The following RIMBP2 variants were observed in gnomAD, a reference collection of about 807,000 sequenced individuals.
RIMBP2 encodes the protein RIMS binding protein 2, also known as RIMS-binding protein 2.
RIMBP2 carries 48 observed loss-of-function variants against 118.6 expected under a neutral mutation model. The observed-to-expected ratio is 0.40, with a 90% CI of 0.32 to 0.51. The LOEUF is 0.51. Ranked by LOEUF, RIMBP2 falls within the 20% of genes least tolerant of loss-of-function variation. The pLI is 0.41. For missense variants in RIMBP2, 1,551 were observed against 1,768.3 expected, an observed-to-expected ratio of 0.88 and a Z score of 2.20; for synonymous variants, 762 against 742.9, an observed-to-expected ratio of 1.03 and a Z score of -0.42.
intron 1 of RIMBP2, among the ~76,000 whole-genome samples, chr12:130,689,121 C>T (rs1474393593): frequency 6.6e-6 from 1 of 152,206 alleles, no homozygotes; most frequent in Admixed American, 6.5e-5. Flanking sequence ...CCACACCCCT[C>T]CATGCCAACA....
At chr12:130,433,841 A>AC (rs2077317489) in intron 14 of RIMBP2, among the ~76,000 whole-genome samples, 1 of 152,118 alleles carries the variant, frequency 6.6e-6, no homozygotes, top group East Asian at 1.9e-4. Context: ...CCAAAAATCC[A>AC]CCTCGCAGCC....
At chr12:130,463,227 G>A (rs2080163290) in intron 6 of RIMBP2, among the ~76,000 whole-genome samples, 1 of 152,210 alleles carries the variant, frequency 6.6e-6, no homozygotes, top group Non-Finnish European at 1.5e-5. Flanking sequence ...TCCTGTCTGG[G>A]TTTGGGACTG....
chr12:130,575,068 C>T (rs1179363675), intron 2 of RIMBP2, among the ~76,000 whole-genome samples: 1 of 79,982 alleles, frequency 1.3e-5, no homozygotes, highest in African/African-American at 5.9e-5. Context: ...GAATCACATC[C>T]CCCAACCCCA....
chr12:130,477,314 C>T (rs2081519812), intron 5 of RIMBP2, among the ~76,000 whole-genome samples: 1 of 152,070 alleles, frequency 6.6e-6, no homozygotes, highest in South Asian at 2.1e-4. Flanking sequence ...AGGAGACATC[C>T]TTTCCCCTTC....
rs921481945 is a variant in RIMBP2, at chr12:130,581,237, G to T, written c.-217+47085C>A. ...CAACTGAAATGCCCCGTGGTCCCAGGTCACACAGGGGTGTGCCGGGAGTCA... is the reference window on the plus strand; with the variant it reads ...CAACTGAAATGCCCCGTGGTCCCAGTTCACACAGGGGTGTGCCGGGAGTCA... On this transcript the variant is annotated intron_variant, in intron 2 of 22. Coordinates refer to ENST00000690449, the MANE Select transcript of RIMBP2 (RefSeq NM_001393629.1). This position sits in a 1 kb window ranked among gnomAD's most constrained non-coding sequence, Gnocchi z 4.4. Among the ~76,000 whole-genome samples the T allele has an allele frequency of 3.3e-5, 5 of 152,108 alleles. No homozygotes were observed. The highest frequency in any genetic ancestry group is 1.2e-4 in the African/African-American group (5 of 41,398).
chr12:130,452,250 G>C (rs1445484851), intron 7 of RIMBP2, among the ~76,000 whole-genome samples: 1 of 152,150 alleles, frequency 6.6e-6, no homozygotes, highest in Non-Finnish European at 1.5e-5. Context: ...GAATTGCTGA[G>C]TCCAAATCAG....
At chr12:130,634,761 A>AC (rs2062240795) in intron 1 of RIMBP2, among the ~76,000 whole-genome samples, 1 of 151,958 alleles carries the variant, frequency 6.6e-6, no homozygotes, top group Non-Finnish European at 1.5e-5. Context: ...CTGGCTAATG[A>AC]AAAAATATAT....
rs539955676 is a variant in RIMBP2 at position 130,698,975 on chromosome 12, A to G, written c.-352+17247T>C. ...CATTTATGCAGCCAAAAAACACATGAAAAAATGCTCATCATCACTGGCCAT... is the reference window on the plus strand; with the variant it reads ...CATTTATGCAGCCAAAAAACACATGGAAAAATGCTCATCATCACTGGCCAT... On this transcript the variant is annotated intron_variant, in intron 1 of 22. Coordinates refer to ENST00000690449, the MANE Select transcript of RIMBP2 (RefSeq NM_001393629.1). 1.0e-3 allele frequency among the ~76,000 whole-genome samples: 156 copies of G among 152,310 alleles called. 1 individual carries two copies. Among genetic ancestry groups the G allele is most frequent in the African/African-American group, 3.5e-3 (145 of 41,558 alleles).
intron 4 of RIMBP2, among the ~76,000 whole-genome samples, chr12:130,486,046 ACCT>A (rs1478092294): frequency 6.6e-6 from 1 of 151,926 alleles, no homozygotes; most frequent in East Asian, 1.9e-4. Flanking sequence ...TCCAAATCTT[ACCT>A]GTTTCTGCAA....
At chr12:130,542,584 A>G (rs566294096) in intron 2 of RIMBP2, among the ~76,000 whole-genome samples, 1 of 152,354 alleles carries the variant, frequency 6.6e-6, no homozygotes, top group South Asian at 2.1e-4. Flanking sequence ...GAACTATTAA[A>G]GGAATAATCT....
intron 2 of RIMBP2, among the ~76,000 whole-genome samples, chr12:130,567,533 G>A (rs187866510): frequency 1.1e-4 from 17 of 152,310 alleles, no homozygotes; most frequent in South Asian, 2.1e-4. Context: ...GAGACAGAAC[G>A]GGGGAGAGGG....
chr12:130,441,447 A>AATAATAATAATT (rs572339336), intron 11 of RIMBP2, among the ~76,000 whole-genome samples: 39 of 141,056 alleles, frequency 2.8e-4, no homozygotes, highest in African/African-American at 9.1e-4. Context: ...TAATAATAAT[A>AATAATAATAATT]ATTTACAAGG....
At chr12:130,542,264 G>A (rs1438183270) in intron 2 of RIMBP2, among the ~76,000 whole-genome samples, 1 of 148,800 alleles carries the variant, frequency 6.7e-6, no homozygotes. Flanking sequence ...GCAAGTGCTT[G>A]GGGTTTTGGA....
rs1380662108 is a variant in RIMBP2 at position 130,622,492 on chromosome 12, A to G, written c.-217+5830T>C. 1.3e-5 allele frequency among the ~76,000 whole-genome samples: 2 copies of G among 151,882 alleles called. No homozygotes were observed. The highest frequency in any genetic ancestry group is 2.1e-4 in the South Asian group (1 of 4,824). Reference sequence around the variant, plus strand: ...TCTACTATTTTTCATATATTTATATATAATATATATTTGATAATAGAGATG... The same window carrying G: ...TCTACTATTTTTCATATATTTATATGTAATATATATTTGATAATAGAGATG... On this transcript the variant is annotated intron_variant, in intron 2 of 22. Transcript: ENST00000690449. The surrounding 1 kb of genome is among the most constrained non-coding windows in gnomAD (Gnocchi z 8.5).
rs2078932065 is a variant in RIMBP2 at position 130,450,721 on chromosome 12, C to A, written c.505-445G>T. 6.6e-6 allele frequency among the ~76,000 whole-genome samples: 1 copy of A among 151,402 alleles called. No homozygotes were observed. Among genetic ancestry groups the A allele is most frequent in the Non-Finnish European group, 1.5e-5 (1 of 67,950 alleles). On this transcript the variant is annotated intron_variant, in intron 8 of 22. Transcript: ENST00000690449. This position sits in a 1 kb window ranked among gnomAD's most constrained non-coding sequence, Gnocchi z 4.8. ...TTTAAGCAGGAATTAGACCACATCA[C>A]CCCCTGCCTTAACAGCTTTCAGTGG... is the stretch of plus-strand genomic sequence containing the variant.
At chr12:130,456,813 T>C (rs2079493813) in intron 6 of RIMBP2, 113 bp from the exon 7 acceptor site, 2 of 735,950 alleles carry the variant, frequency 2.7e-6, no homozygotes, top group Non-Finnish European at 4.4e-6. Flanking sequence ...TGCACGTGTG[T>C]ACACACGTGT....
In RIMBP2 at chr12:130,438,351, C is replaced by CCACACA; in HGVS notation, c.1656+13_1656+14insTGTGTG. The CCACACA allele has an allele frequency of 6.3e-7, 1 of 1,589,938 alleles. No individual in the cohort carries two copies. Among genetic ancestry groups the CCACACA allele is most frequent in the Non-Finnish European group, 8.6e-7 (1 of 1,158,626 alleles). On this transcript the variant is annotated intron_variant, in intron 12 of 22. Coordinates refer to ENST00000690449, the MANE Select transcript of RIMBP2 (RefSeq NM_001393629.1). ...GCCTAACAAACCCTCCCCACCCACC[C>CCACACA]AACGAAAACTCACCCTCTGCCCTTT...
intron 2 of RIMBP2, among the ~76,000 whole-genome samples, chr12:130,543,576 G>C (rs1593731259): frequency 6.6e-6 from 1 of 152,098 alleles, no homozygotes; most frequent in Non-Finnish European, 1.5e-5. Context: ...GAGCCCTATA[G>C]ATTGGGAAAT....
In RIMBP2 at chr12:130,622,214, C is replaced by T. The variant is rs532231567; in HGVS notation, c.-217+6108G>A. Among the ~76,000 whole-genome samples the T allele has an allele frequency of 6.4e-4, 98 of 152,250 alleles. 1 individual carries two copies. The highest frequency in any genetic ancestry group is 2.2e-3 in the African/African-American group (90 of 41,544). On this transcript the variant is annotated intron_variant, in intron 2 of 22. Coordinates refer to ENST00000690449, the MANE Select transcript of RIMBP2 (RefSeq NM_001393629.1). The surrounding 1 kb of genome is among the most constrained non-coding windows in gnomAD (Gnocchi z 8.5). ...GTTGGATCCTGGGTAACAGGCAGGG[C>T]CTGTGGCTGACTGGAGCAGACGTGA...
Sources: allele counts gnomAD v4.1 joint callset (sites outside exome capture counted in the v4.1 genomes callset), GRCh38; gene constraint gnomAD v4.1.1; non-coding constraint Gnocchi (gnomAD v3.1); transcripts MANE v1.5; gene names NCBI Gene and HGNC (gene_info 2026-07-23, HGNC 2026-07-21).